The following ZNF410 variants were observed in gnomAD, a reference collection of about 807,000 sequenced individuals.
ZNF410 encodes another partner for ARF 1.
A neutral mutation model predicts 54.8 loss-of-function variants in ZNF410; 18 were observed. The observed-to-expected ratio is 0.33, with a 90% CI of 0.23 to 0.49. The LOEUF (loss-of-function observed/expected upper bound fraction) is 0.49, where lower values mean the gene tolerates loss of function less well. Among genes scored for constraint, ZNF410 ranks in the 20% least tolerant of loss-of-function variants. The pLI, the probability that ZNF410 is intolerant of heterozygous loss-of-function variation, is 0.99. For missense variants in ZNF410, 405 were observed against 569.6 expected, an observed-to-expected ratio of 0.71 and a Z score of 2.94; for synonymous variants, 191 against 207.3, an observed-to-expected ratio of 0.92 and a Z score of 0.68.
chr14:73,901,274 CAG>C (rs2055402325), intron 5 of ZNF410, among the ~76,000 whole-genome samples: 1 of 152,274 alleles, frequency 6.6e-6, no homozygotes, highest in East Asian at 1.9e-4. Context: ...GTAGTTGTAA[CAG>C]AAACCATACG....
chr14:73,910,796 A>T, intron 8 of ZNF410, among the ~76,000 whole-genome samples: 1 of 135,408 alleles, frequency 7.4e-6, no homozygotes, highest in Non-Finnish European at 1.5e-5. Context: ...CAGGAGGTTG[A>T]GGCTGCAGTG....
chr14:73,901,420 A>ATTT (rs369316873), intron 5 of ZNF410, among the ~76,000 whole-genome samples: 1 of 138,166 alleles, frequency 7.2e-6, no homozygotes, highest in East Asian at 2.1e-4. Flanking sequence ...TTTCTGAGGG[A>ATTT]TTTTTTTTTT....
intron 5 of ZNF410, among the ~76,000 whole-genome samples, chr14:73,900,868 CATTAGT>C (rs921412180): frequency 1.3e-5 from 2 of 152,120 alleles, no homozygotes; most frequent in African/African-American, 4.8e-5. Context: ...CACCAGCTGT[CATTAGT>C]ATTAGTATAT....
intron 3 of ZNF410, chr14:73,894,501 A>T: frequency 1.5e-6 from 1 of 677,310 alleles, no homozygotes; most frequent in Admixed American, 2.2e-5. Context: ...GGCTCACTGC[A>T]ACCTCCGCCT....
In ZNF410 at chr14:73,922,223, T is replaced by G; in HGVS notation, c.1270+17T>G. 6.2e-7 allele frequency: 1 copy of G among 1,609,632 alleles called. No individual in the cohort carries two copies. Among genetic ancestry groups the G allele is most frequent in the Admixed American group, 1.7e-5 (1 of 59,626 alleles). ...TTGATGATGGTAAGACTTCCAACTCTCCTTTATTTGGGAAAAATGGGCTGC... is the reference window on the plus strand; with the variant it reads ...TTGATGATGGTAAGACTTCCAACTCGCCTTTATTTGGGAAAAATGGGCTGC... On this transcript the variant is annotated intron_variant, in intron 10 of 11. Transcript: ENST00000555044.
At chr14:73,894,526 A>T in intron 3 of ZNF410, 10 of 658,066 alleles carry the variant, frequency 1.5e-5, no homozygotes, top group Admixed American at 2.3e-5. Context: ...TCCCAGGTTC[A>T]AGCTATTCTC....
rs1418749149 is a variant in ZNF410 at position 73,923,612 on chromosome 14, AT to A, written c.1398+93del. On this transcript the variant is annotated intron_variant, in intron 11 of 11. Transcript: ENST00000555044. The stretch of plus-strand genomic sequence containing the variant: ...GGACCTGAAAAAGTCTCCAGTTTCC[AT>A]TTCCTGGAAACTTTGGCACGAATAT... 9 of 1,492,966 alleles carry A rather than the reference AT, an allele frequency of 6.0e-6. No individual in the cohort carries two copies. The African/African-American group carries it at 1.3e-4, about 21-fold the overall frequency. The allele number at this position is 1,492,966 out of a possible 1,614,324, so 92.5% of individuals were successfully genotyped here.
chr14:73,907,634 G>A (rs369403210), intron 7 of ZNF410, among the ~76,000 whole-genome samples: 2 of 152,134 alleles, frequency 1.3e-5, no homozygotes, highest in African/African-American at 4.8e-5. Context: ...GCTCATGCCT[G>A]TAATCCCAGC....
At chr14:73,903,929 C>T in intron 5 of ZNF410, 31 bp from the exon 6 acceptor site, 2 of 1,612,860 alleles carry the variant, frequency 1.2e-6, no homozygotes, top group Non-Finnish European at 1.7e-6. Context: ...AGGGTCTTTC[C>T]CTGGATTACA....
intron 1 of ZNF410, among the ~76,000 whole-genome samples, chr14:73,890,223 C>G (rs1246223981): frequency 6.6e-6 from 1 of 150,680 alleles, no homozygotes; most frequent in Non-Finnish European, 1.5e-5. Context: ...GAGTCTTGCT[C>G]TGTCGCCCAG....
At position 73,922,125 on chromosome 14, in the gene ZNF410, G is replaced by T. The variant is rs757559132; in HGVS notation, c.1189G>T (p.Val397Leu). 6.2e-7 allele frequency: 1 copy of T among 1,614,138 alleles called. No individual in the cohort carries two copies. ...GGCTTCAGTACCCAGTAAAAACCTG[G>T]TGTCTATGAATTCCCAGCCCAGCCT... ...EEASVPSKNL[V>L]SMNSQPSLGG... is the part of the protein sequence containing the mutation. The change falls in exon 10 of 12, where the codon GTG becomes TTG. Residue 397 changes from valine to leucine, a missense_variant. Around this residue, in one of 3 missense-constraint regions of ZNF410, gnomAD observed 127 missense variants for 141.3 expected, o/e 0.90. Transcript: ENST00000555044.
At chr14:73,921,334 CA>C (rs1457339080) in intron 9 of ZNF410, 14 of 437,164 alleles carry the variant, frequency 3.2e-5, no homozygotes, top group Non-Finnish European at 4.8e-5. Flanking sequence ...TAAAACAAAG[CA>C]ATCTGATAAA....
rs11540490 is a variant in ZNF410, at chr14:73,892,041, C to T, written c.-135C>T. 2 of 990,998 alleles carry T rather than the reference C, an allele frequency of 2.0e-6. No homozygotes were observed. The highest frequency in any genetic ancestry group is 3.2e-5 in the African/African-American group (2 of 62,856). The allele number at this position is 990,998 out of a possible 1,614,324, so 61.4% of individuals were successfully genotyped here. A position where few individuals can be genotyped will look rare whatever the true frequency, so the allele number is the denominator to read the frequency against. On this transcript the variant is annotated 5_prime_UTR_variant, in exon 2 of 12. Transcript: ENST00000555044. ...CCCTATTCTAGGTTACATTGATTAC[C>T]CACCTAGTACAACATCTTACGGGAA...
chr14:73,912,967 A>G (rs1165032289), intron 8 of ZNF410: 1 of 151,898 alleles, frequency 6.6e-6, no homozygotes, highest in Admixed American at 6.6e-5. Flanking sequence ...GGTTTACTGC[A>G]CAGATCATCC....
chr14:73,917,609 G>A (rs2055687819), intron 8 of ZNF410, among the ~76,000 whole-genome samples: 1 of 152,050 alleles, frequency 6.6e-6, no homozygotes, highest in Non-Finnish European at 1.5e-5. Flanking sequence ...GATCACCTGA[G>A]GTCAGGAGTT....
In ZNF410 at chr14:73,909,369, A is replaced by G. The variant is rs1175060273; in HGVS notation, c.942A>G (p.Gln314=). 3.7e-6 allele frequency: 6 copies of G among 1,613,996 alleles called. No individual in the cohort carries two copies. The East Asian group carries it at 6.7e-5, about 18-fold the overall frequency. The change falls in exon 8 of 12, where the codon CAA becomes CAG. Residue 314 remains glutamine (Q), a synonymous_variant. Transcript: ENST00000555044. ...TGEKPFLCEA[Q]GCGRSFAEYS... ...AGAAACCTTTCCTTTGTGAAGCCCA[A>G]GGATGTGGCCGTTCCTTTGCTGAGT...
At chr14:73,919,910 T>TTG (rs2055731626) in intron 8 of ZNF410, among the ~76,000 whole-genome samples, 1 of 148,510 alleles carries the variant, frequency 6.7e-6, no homozygotes, top group Non-Finnish European at 1.5e-5. Context: ...TTTTTTTTTT[T>TTG]TGCTATGCAG....
intron 4 of ZNF410, among the ~76,000 whole-genome samples, chr14:73,897,398 A>G (rs1327090752): frequency 6.6e-6 from 1 of 152,200 alleles, no homozygotes; most frequent in Non-Finnish European, 1.5e-5. Context: ...GAGTTAGGAC[A>G]TATTTAAAGA....
At position 73,903,951 on chromosome 14, in the gene ZNF410, C is replaced by G; in HGVS notation, c.581-9C>G. 2 of 1,614,018 alleles carry G rather than the reference C, an allele frequency of 1.2e-6. No individual in the cohort carries two copies. Among genetic ancestry groups the G allele is most frequent in the Non-Finnish European group, 1.7e-6 (2 of 1,179,966 alleles). On this transcript the variant is annotated splice_polypyrimidine_tract_variant and intron_variant, in intron 5 of 11. Transcript: ENST00000555044. ...TTCCCTGGATTACAAATATGTGACT[C>G]TGTTACAGGAGAAAATGTCCACCTT... is the stretch of plus-strand genomic sequence containing the variant.
Sources: gnomAD v4.1 joint callset for allele counts (sites outside exome capture counted in the v4.1 genomes callset) on GRCh38, gnomAD v4.1.1 for gene constraint, gnomAD v4.1.1 regional missense constraint, MANE v1.5 for transcripts, NCBI Gene and HGNC (gene_info 2026-07-23, HGNC 2026-07-21) for gene names.